CYP3A5: variants seen among roughly 807,000 people sequenced by gnomAD.
CYP3A5 encodes the protein cytochrome P450 family 3 subfamily A member 5.
CYP3A5 carries 51 observed loss-of-function variants against 55.9 expected under a neutral mutation model. That is an observed-to-expected ratio of 0.91 (90% CI 0.73 to 1.15). The LOEUF (loss-of-function observed/expected upper bound fraction) is 1.15. Among genes scored for constraint, CYP3A5 ranks in the 50% most tolerant of loss-of-function variants. CYP3A5 has a pLI of 0.00. For synonymous variants in CYP3A5, 196 were observed against 213.9 expected (o/e 0.92, Z 0.73); for missense variants, 533 against 596.6 (o/e 0.89, Z 1.11).
Position 99,652,693 on chromosome 7 carries a change from A to G in CYP3A5, c.1113T>C (p.Ile371=). The G allele has an allele frequency of 6.2e-7, 1 of 1,614,142 alleles. No individual in the cohort carries two copies. The highest frequency in any genetic ancestry group is 1.1e-5 in the South Asian group (1 of 91,078). The change falls in exon 11 of 13, where the codon ATT becomes ATC. Residue 371 remains isoleucine, a synonymous_variant. Transcript: ENST00000222982. ...CTTTCTTGCAAGTCCTCTCAAGTCTAATAGCAACTGGGAATAATCTGAGTG... is the reference window on the plus strand; with the variant it reads ...CTTTCTTGCAAGTCCTCTCAAGTCTGATAGCAACTGGGAATAATCTGAGTG... ...NETLRLFPVA[I]RLERTCKKDV...
intron 1 of CYP3A5, among the ~76,000 whole-genome samples, chr7:99,678,489 T>C (rs1812510002): frequency 6.6e-6 from 1 of 152,128 alleles, no homozygotes; most frequent in African/African-American, 2.4e-5. Flanking sequence ...GCCGGACAGG[T>C]ATATTTGAAA....
At chr7:99,676,582 T>A in intron 1 of CYP3A5, 1 of 1,350,932 alleles carries the variant, frequency 7.4e-7, no homozygotes, top group Non-Finnish European at 9.8e-7. Flanking sequence ...TCATCCTAGG[T>A]AGAAAGAGTA....
chr7:99,648,523 C>T (rs1808844404), intron 12 of CYP3A5, 123 bp from the exon 13 acceptor site: 3 of 668,492 alleles, frequency 4.5e-6, no homozygotes, highest in Non-Finnish European at 7.5e-6. Flanking sequence ...CTCTTAACAC[C>T]ATGTATCTTG....
At chr7:99,668,561 G>A (rs978056418) in intron 4 of CYP3A5, among the ~76,000 whole-genome samples, 1 of 152,102 alleles carries the variant, frequency 6.6e-6, no homozygotes, top group Non-Finnish European at 1.5e-5. Flanking sequence ...AATGGAAAGG[G>A]GTAATCAGAG....
intron 10 of CYP3A5, chr7:99,660,205 G>T (rs1440819622): frequency 1.0e-6 from 1 of 962,182 alleles, no homozygotes. Flanking sequence ...CCATCTTCTC[G>T]CCACACTCCT....
At chr7:99,675,614 CT>C (rs1812149261) in intron 2 of CYP3A5, among the ~76,000 whole-genome samples, 1 of 144,454 alleles carries the variant, frequency 6.9e-6, no homozygotes, top group Admixed American at 6.9e-5. Flanking sequence ...CCTCTCCTCT[CT>C]CCTCTCCTTT....
chr7:99,679,877 A>G lies in CYP3A5; in HGVS notation c.20T>C (p.Leu7Ser), dbSNP rs1487619260. The G allele has an allele frequency of 3.6e-5, 58 of 1,614,094 alleles. No homozygotes were observed. Among genetic ancestry groups the G allele is most frequent in the Non-Finnish European group, 4.8e-5 (57 of 1,179,956 alleles). The change falls in exon 1 of 13, where the codon TTG (leucine) becomes TCG (serine). Residue 7 changes from leucine to serine, a missense_variant. Physicochemically the swap from Leu to Ser is moderately radical, Grantham distance 145 (BLOSUM62 -2). Coordinates refer to ENST00000222982, the MANE Select transcript of CYP3A5 (RefSeq NM_000777.5). ...CAGGAGAAGCCAGGTTTCCACCGCC[A>G]AATTTGGGATGAGGTCCATCGCCAC... The part of the protein sequence containing the change: MDLIPN[L>S]AVETWLLLAV...
At chr7:99,676,321 T>A in intron 1 of CYP3A5, 113 bp from the exon 2 acceptor site, 1 of 1,570,028 alleles carries the variant, frequency 6.4e-7, no homozygotes, top group Non-Finnish European at 8.7e-7. Context: ...ATGTACACGA[T>A]AAATAATAAC....
intron 2 of CYP3A5, 127 bp from the exon 3 acceptor site, chr7:99,674,712 A>G (rs1228432587): frequency 2.9e-6 from 2 of 685,252 alleles, no homozygotes; most frequent in Non-Finnish European, 5.0e-6. Context: ...CAGTTGAAGG[A>G]AGCTATTCAG....
chr7:99,649,862 A>G (rs1246642624), intron 12 of CYP3A5, among the ~76,000 whole-genome samples: 3 of 151,890 alleles, frequency 2.0e-5, no homozygotes, highest in Non-Finnish European at 4.4e-5. Context: ...TAATCATGTC[A>G]TGCTAATCTG....
rs1445725863 is a variant in CYP3A5, at chr7:99,665,302, G to T, written c.534C>A (p.Ala178=). The T allele has an allele frequency of 6.2e-7, 1 of 1,614,120 alleles. No homozygotes were observed. Among genetic ancestry groups the T allele is most frequent in the East Asian group, 2.2e-5 (1 of 44,884 alleles). The change falls in exon 7 of 13, where the codon GCC becomes GCA. Residue 178 remains alanine, a synonymous_variant. Coordinates refer to ENST00000222982, the MANE Select transcript of CYP3A5 (RefSeq NM_000777.5). ...TGCCAGTAATCACATCCATGCTGTA[G>T]GCCCCAAAGATGCTGAGTGGAGAAA... ...KPVTLKDIFG[A]YSMDVITGTS...
chr7:99,664,117 C>T lies in CYP3A5; in HGVS notation c.671-22G>A. On this transcript the variant is annotated intron_variant, in intron 7 of 12. Coordinates refer to ENST00000222982, the MANE Select transcript of CYP3A5 (RefSeq NM_000777.5). ...AGTACTGTGGGAAAAACAAAACAAA[C>T]AAAAGGAAATCATTGAAAATGCAAA... 6 of 1,544,118 alleles carry T rather than the reference C, an allele frequency of 3.9e-6. 1 individual carries two copies. The highest frequency in any genetic ancestry group is 1.7e-6 in the Non-Finnish European group (2 of 1,152,548).
rs773030212 is a variant in CYP3A5, at chr7:99,660,519, C to A, written c.1006G>T (p.Asp336Tyr). ...CTCACCTTATTGGGCAAAACTGCAT[C>A]AATCTCCTTTTGCAGTTTCTGCTGG... ...DVQQKLQKEI[D>Y]AVLPNKAPPT... The change falls in exon 10 of 13, where the codon GAT (aspartate) becomes TAT (tyrosine). Residue 336 changes from aspartate (D) to tyrosine (Y), a missense_variant. By Grantham distance (160) the Asp-to-Tyr change is radical. Coordinates refer to ENST00000222982, the MANE Select transcript of CYP3A5 (RefSeq NM_000777.5). 3.7e-6 allele frequency: 6 copies of A among 1,612,966 alleles called. No homozygotes were observed. In the East Asian group the frequency reaches 1.1e-4, roughly 30 times the overall value.
At chr7:99,656,012 A>G (rs6958669) in intron 10 of CYP3A5, among the ~76,000 whole-genome samples, 9,778 of 152,296 alleles carry the variant, frequency 0.064, 487 homozygotes, top group African/African-American at 0.13. Flanking sequence ...ATATACAATC[A>G]TGTCATCTGC....
intron 4 of CYP3A5, among the ~76,000 whole-genome samples, chr7:99,667,805 A>G (rs924434521): frequency 6.6e-6 from 1 of 152,230 alleles, no homozygotes; most frequent in Non-Finnish European, 1.5e-5. Flanking sequence ...TTTGATAAAG[A>G]CAATCTGTAA....
At chr7:99,648,459 G>A (rs1156332437) in intron 12 of CYP3A5, 59 bp from the exon 13 acceptor site, 3 of 1,383,108 alleles carry the variant, frequency 2.2e-6, no homozygotes, top group Non-Finnish European at 3.0e-6. Flanking sequence ...AAGAAAAGAT[G>A]GAAGCAAAGT....
intron 10 of CYP3A5, among the ~76,000 whole-genome samples, chr7:99,657,413 T>G (rs1344495807): frequency 6.6e-6 from 1 of 152,240 alleles, no homozygotes; most frequent in African/African-American, 2.4e-5. Flanking sequence ...TTCTGAATCC[T>G]GAGTTCTAGT....
At chr7:99,651,724 A>C (rs1216966248) in intron 11 of CYP3A5, among the ~76,000 whole-genome samples, 1 of 152,264 alleles carries the variant, frequency 6.6e-6, no homozygotes, top group Non-Finnish European at 1.5e-5. Context: ...TTAATAATAC[A>C]GTAATGGGAA....
rs547336974 is a variant in CYP3A5 at position 99,679,003 on chromosome 7, T to G, written c.71+823A>C. Among the ~76,000 whole-genome samples, 15 of 152,300 alleles carry G rather than the reference T, an allele frequency of 9.8e-5. 1 individual carries two copies. In the South Asian group the frequency reaches 2.9e-3, roughly 29 times the overall value. ...GGGGAAAAATATGTAAAATCCAAAT[T>G]GGCTTTCATGGCTCCTGCCTTTTCA... On this transcript the variant is annotated intron_variant, in intron 1 of 12. Coordinates refer to ENST00000222982, the MANE Select transcript of CYP3A5 (RefSeq NM_000777.5).
Sources: gnomAD v4.1 joint callset for allele counts (sites outside exome capture counted in the v4.1 genomes callset) on GRCh38, gnomAD v4.1.1 for gene constraint, MANE v1.5 for transcripts, NCBI Gene and HGNC (gene_info 2026-07-23, HGNC 2026-07-21) for gene names.